The following TNR variants were observed in gnomAD, a reference collection of about 807,000 sequenced individuals.
TNR encodes tenascin-R.
Under a neutral mutation model 150.4 loss-of-function variants are expected in TNR, and 45 were observed. That is an observed-to-expected ratio of 0.30 (90% CI 0.24 to 0.38). The LOEUF is 0.38. Ranked by LOEUF, TNR falls within the 10% of genes least tolerant of loss-of-function variation. TNR has a pLI of 1.00. For missense variants in TNR, 1,544 were observed against 1,759.1 expected, an observed-to-expected ratio of 0.88 and a Z score of 2.19; for synonymous variants, 687 against 678.4, an observed-to-expected ratio of 1.01 and a Z score of -0.20.
intron 1 of TNR, among the ~76,000 whole-genome samples, chr1:175,632,507 T>C (rs1664356093): frequency 6.6e-6 from 1 of 152,204 alleles, no homozygotes; most frequent in Non-Finnish European, 1.5e-5. Flanking sequence ...ACAACAAAAC[T>C]ATCTGAGATT....
intron 2 of TNR, among the ~76,000 whole-genome samples, chr1:175,462,248 G>A (rs1394459486): frequency 6.6e-6 from 1 of 152,194 alleles, no homozygotes; most frequent in Non-Finnish European, 1.5e-5. Flanking sequence ...TTTGGTGTAT[G>A]TGGAAGATGA....
chr1:175,428,700 G>T (rs947493344), intron 2 of TNR, among the ~76,000 whole-genome samples: 1 of 152,178 alleles, frequency 6.6e-6, no homozygotes, highest in Non-Finnish European at 1.5e-5. Context: ...ACCATTGGTT[G>T]AATTCTGACT....
At chr1:175,558,628 C>A (rs1188249181) in intron 1 of TNR, among the ~76,000 whole-genome samples, 1 of 152,092 alleles carries the variant, frequency 6.6e-6, no homozygotes, top group African/African-American at 2.4e-5. Flanking sequence ...TTCTGATACA[C>A]CGTTATTGAT....
intron 9 of TNR, among the ~76,000 whole-genome samples, chr1:175,368,452 A>G (rs1289709646): frequency 1.3e-5 from 2 of 152,184 alleles, no homozygotes; most frequent in East Asian, 3.8e-4. Flanking sequence ...CACTTATGAA[A>G]ATCCTTGCGA....
At chr1:175,657,879 A>ATATATATATATATATATATATATG (rs1257413429) in intron 1 of TNR, among the ~76,000 whole-genome samples, 1 of 121,112 alleles carries the variant, frequency 8.3e-6, no homozygotes, top group African/African-American at 3.0e-5. Flanking sequence ...ATATATATAT[A>ATATATATATATATATATATATATG]TATATGTAAC....
chr1:175,517,262 C>T (rs1659453274), intron 2 of TNR, among the ~76,000 whole-genome samples: 1 of 152,202 alleles, frequency 6.6e-6, no homozygotes, highest in Non-Finnish European at 1.5e-5. Flanking sequence ...AAATAGGGGC[C>T]TGTGGCTCAG....
At chr1:175,605,777 G>T (rs915694214) in intron 1 of TNR, among the ~76,000 whole-genome samples, 3 of 151,664 alleles carry the variant, frequency 2.0e-5, no homozygotes, top group Non-Finnish European at 2.9e-5. Flanking sequence ...GGAATTGCTG[G>T]TCATCTCATC....
intron 1 of TNR, among the ~76,000 whole-genome samples, chr1:175,579,716 C>CAAAGAGGCCAA (rs1214957175): frequency 1.3e-5 from 2 of 151,196 alleles, no homozygotes; most frequent in Non-Finnish European, 2.9e-5. Context: ...GGGTAGGAGA[C>CAAAGAGGCCAA]AAAGAGGCCA....
At chr1:175,431,852 G>T (rs1343348475) in intron 2 of TNR, among the ~76,000 whole-genome samples, 4 of 146,220 alleles carry the variant, frequency 2.7e-5, no homozygotes, top group Admixed American at 6.8e-5. Flanking sequence ...CTCTCACAGG[G>T]GTGGAGGCAG....
Position 175,454,134 on chromosome 1 carries a change from G to C in TNR, c.-63-47357C>G, listed in dbSNP as rs1354488417. 4.6e-5 allele frequency among the ~76,000 whole-genome samples: 7 copies of C among 152,116 alleles called. No homozygotes were observed. The South Asian group carries it at 1.2e-3, about 27-fold the overall frequency. Reference sequence around the variant, plus strand: ...GTTGGTCTAGTTGTCTGTCTCTTGGGGTTGTTAAAAGGGTTTTAGTAGACA... The same window carrying C: ...GTTGGTCTAGTTGTCTGTCTCTTGGCGTTGTTAAAAGGGTTTTAGTAGACA... On this transcript the variant is annotated intron_variant, in intron 2 of 22. Coordinates refer to ENST00000367674, the MANE Select transcript of TNR (RefSeq NM_003285.3).
At position 175,403,260 on chromosome 1, in the gene TNR, C is replaced by T. The variant is rs1358679064; in HGVS notation, c.856G>A (p.Gly286Ser). 2 of 1,614,160 alleles carry T rather than the reference C, an allele frequency of 1.2e-6. No homozygotes were observed. Among genetic ancestry groups the T allele is most frequent in the East Asian group, 4.5e-5 (2 of 44,874 alleles). Residue 286 changes from glycine (G) to serine (S), a missense_variant, in exon 4 of 23, where the codon GGC becomes AGC. Physicochemically the swap from Gly to Ser is moderately conservative, Grantham distance 56. Coordinates refer to ENST00000367674, the MANE Select transcript of TNR (RefSeq NM_003285.3). ...TGGCCGCAGTCCTCACCAACGTAGC[C>T]CTCCTCGCATAAACAGGTACCGTTG... Reference protein sequence around the residue: ...CANGTCLCEEGYVGEDCGQRQ... With the variant: ...CANGTCLCEESYVGEDCGQRQ...
chr1:175,689,395 G>A (rs12404663), intron 1 of TNR, among the ~76,000 whole-genome samples: 16,851 of 152,144 alleles, frequency 0.11, 1,399 homozygotes, highest in African/African-American at 0.22. Context: ...GTTTTCATCT[G>A]TACAAATCCA....
At chr1:175,536,479 C>T (rs1356751130) in intron 1 of TNR, among the ~76,000 whole-genome samples, 1 of 152,194 alleles carries the variant, frequency 6.6e-6, no homozygotes, top group African/African-American at 2.4e-5. Flanking sequence ...GAAACTGAGA[C>T]ACAAAGTGAT....
At chr1:175,618,616 C>T (rs1045215102) in intron 1 of TNR, among the ~76,000 whole-genome samples, 10 of 152,162 alleles carry the variant, frequency 6.6e-5, no homozygotes, top group African/African-American at 2.2e-4. Context: ...TCTCCTTAGC[C>T]CTAGGAGTAG....
chr1:175,608,605 T>C (rs137941704), intron 1 of TNR, among the ~76,000 whole-genome samples: 151 of 152,264 alleles, frequency 9.9e-4, no homozygotes, highest in Non-Finnish European at 1.6e-3. Flanking sequence ...GAAAAAGTAG[T>C]TGTAATGTCT....
At chr1:175,687,476 T>C (rs933287771) in intron 1 of TNR, among the ~76,000 whole-genome samples, 3 of 152,132 alleles carry the variant, frequency 2.0e-5, no homozygotes, top group Admixed American at 6.5e-5. Context: ...CATGCTATAA[T>C]AGGAAGAACA....
chr1:175,480,741 A>G (rs1349837067), intron 2 of TNR, among the ~76,000 whole-genome samples: 1 of 152,190 alleles, frequency 6.6e-6, no homozygotes, highest in African/African-American at 2.4e-5. Context: ...TGAATTCAGA[A>G]CATATCCTCC....
chr1:175,713,726 C>A (rs1409700110), intron 1 of TNR, among the ~76,000 whole-genome samples: 1 of 152,178 alleles, frequency 6.6e-6, no homozygotes, highest in African/African-American at 2.4e-5. Context: ...AGTGACATTT[C>A]TCTGAGAAAC....
intron 8 of TNR, among the ~76,000 whole-genome samples, chr1:175,384,338 A>C (rs1652823989): frequency 6.6e-6 from 1 of 152,216 alleles, no homozygotes; most frequent in Non-Finnish European, 1.5e-5. Flanking sequence ...GCAGAAGGGA[A>C]GAGAAATGGG....
Sources: gnomAD v4.1 joint callset for allele counts (sites outside exome capture counted in the v4.1 genomes callset) on GRCh38, gnomAD v4.1.1 for gene constraint, MANE v1.5 for transcripts, NCBI Gene and HGNC (gene_info 2026-07-23, HGNC 2026-07-21) for gene names.